The following VCL variants were observed in gnomAD, a reference collection of about 807,000 sequenced individuals.
The protein encoded by VCL is vinculin.
VCL carries 47 observed loss-of-function variants against 125.7 expected under a neutral mutation model. The ratio of observed to expected loss-of-function variants is 0.37; its 90% CI spans 0.30 to 0.48. The LOEUF is 0.48. VCL is among the 20% of genes least tolerant of loss of function. The pLI is 0.99. For missense variants in VCL, 1,069 were observed against 1,455.5 expected, an observed-to-expected ratio of 0.73 and a Z score of 4.32; for synonymous variants, 458 against 514.6, an observed-to-expected ratio of 0.89 and a Z score of 1.49.
intron 1 of VCL, among the ~76,000 whole-genome samples, chr10:74,035,511 C>T (rs1840957687): frequency 6.6e-6 from 1 of 152,148 alleles, no homozygotes; most frequent in Non-Finnish European, 1.5e-5. Context: ...CATTCACTAC[C>T]ATTATTTCAG....
At chr10:74,075,781 G>A (rs139341975) in intron 6 of VCL, 36 of 152,738 alleles carry the variant, frequency 2.4e-4, no homozygotes, top group African/African-American at 7.9e-4. Flanking sequence ...TCAGTAGAAC[G>A]GTATGTTCTC....
intron 1 of VCL, among the ~76,000 whole-genome samples, chr10:74,028,799 C>G (rs1369878929): frequency 6.6e-6 from 1 of 152,180 alleles, no homozygotes; most frequent in Non-Finnish European, 1.5e-5. Context: ...TTTCCTGTCA[C>G]TAGTCAGGAC....
chr10:74,043,755 T>A (rs1027333962), intron 2 of VCL, among the ~76,000 whole-genome samples: 1 of 152,178 alleles, frequency 6.6e-6, no homozygotes, highest in Non-Finnish European at 1.5e-5. Flanking sequence ...GAATCTACAT[T>A]GTATACTAGG....
Position 74,075,117 on chromosome 10 carries a change from G to A in VCL, c.783+214G>A, listed in dbSNP as rs1839560732. 5.0e-6 allele frequency: 3 copies of A among 600,292 alleles called. No homozygotes were observed. In the East Asian group the frequency reaches 9.2e-5, roughly 18 times the overall value. The allele number at this position is 600,292 out of a possible 1,614,324, so 37.2% of individuals were successfully genotyped here. The stretch of plus-strand genomic sequence containing the variant: ...TAAGGTAGAACAAGTAAATAGGCAT[G>A]TGGGGTAGATACTGGTTTAAGGCTG... On this transcript the variant is annotated intron_variant, in intron 6 of 21. Transcript: ENST00000211998.
At chr10:74,021,547 A>G (rs1840667312) in intron 1 of VCL, among the ~76,000 whole-genome samples, 1 of 152,230 alleles carries the variant, frequency 6.6e-6, no homozygotes, top group South Asian at 2.1e-4. Context: ...CCATAAATAA[A>G]TAAACCATCT....
At chr10:74,033,137 A>ATC (rs1840913171) in intron 1 of VCL, among the ~76,000 whole-genome samples, 1 of 152,360 alleles carries the variant, frequency 6.6e-6, no homozygotes, top group African/African-American at 2.4e-5. Context: ...TCAGGTGCCC[A>ATC]TCAACTGATG....
chr10:73,998,419 C>A, intron 1 of VCL, 44 bp downstream of exon 1: 3 of 1,341,560 alleles, frequency 2.2e-6, no homozygotes, highest in Non-Finnish European at 2.9e-6. Flanking sequence ...CGGGAGGTAT[C>A]CCCGGGGCCC....
At chr10:74,045,941 TGTTCCTTTATTTTTATCCTCC>T (rs1841191027) in intron 2 of VCL, among the ~76,000 whole-genome samples, 1 of 152,188 alleles carries the variant, frequency 6.6e-6, no homozygotes, top group Non-Finnish European at 1.5e-5. Context: ...AAGCTAAAAG[TGTTCCTTTATTTTTATCCTCC>T]TTATGTTCTA....
chr10:74,015,333 G>A (rs571012837), intron 1 of VCL, among the ~76,000 whole-genome samples: 1 of 152,270 alleles, frequency 6.6e-6, no homozygotes, highest in African/African-American at 2.4e-5. Context: ...CGGGTGGATC[G>A]CTTGAGGTCA....
At chr10:73,999,449 A>G (rs558194996) in intron 1 of VCL, among the ~76,000 whole-genome samples, 5 of 152,254 alleles carry the variant, frequency 3.3e-5, no homozygotes, top group Non-Finnish European at 7.4e-5. Flanking sequence ...CCCCTGGCTA[A>G]TGTCACACTT....
intron 2 of VCL, among the ~76,000 whole-genome samples, chr10:74,044,876 T>C (rs1841166272): frequency 6.6e-6 from 1 of 152,150 alleles, no homozygotes; most frequent in Non-Finnish European, 1.5e-5. Flanking sequence ...TGAGTTTCAT[T>C]TCAATTGAAA....
intron 11 of VCL, 132 bp downstream of exon 11, chr10:74,094,593 T>C (rs1414489053): frequency 6.1e-6 from 7 of 1,150,952 alleles, no homozygotes; most frequent in African/African-American, 1.5e-5. Flanking sequence ...TGTGATTCCA[T>C]TTCCAAATGC....
chr10:74,107,485 A>C, intron 17 of VCL, 131 bp downstream of exon 17: 1 of 1,455,106 alleles, frequency 6.9e-7, no homozygotes, highest in Non-Finnish European at 9.4e-7. Flanking sequence ...GCTTAGTGGG[A>C]GGCAGATCTC....
At chr10:74,087,471 G>A (rs1254768650) in intron 8 of VCL, among the ~76,000 whole-genome samples, 3 of 147,178 alleles carry the variant, frequency 2.0e-5, no homozygotes, top group Admixed American at 6.7e-5. Flanking sequence ...TCAGCCTACC[G>A]AGTAGCTGGG....
At chr10:74,087,102 A>T (rs1839791233) in intron 8 of VCL, among the ~76,000 whole-genome samples, 1 of 152,094 alleles carries the variant, frequency 6.6e-6, no homozygotes, top group Non-Finnish European at 1.5e-5. Flanking sequence ...AAGATCTCTC[A>T]TCATGAAGTA....
At chr10:74,038,387 TAA>T (rs778722597) in intron 1 of VCL, among the ~76,000 whole-genome samples, 8 of 152,192 alleles carry the variant, frequency 5.3e-5, no homozygotes, top group African/African-American at 1.2e-4. Flanking sequence ...ATTTCCATCA[TAA>T]AAGAAAATTA....
chr10:74,083,762 G>A (rs1839719220), intron 8 of VCL, among the ~76,000 whole-genome samples: 1 of 152,148 alleles, frequency 6.6e-6, no homozygotes, highest in Admixed American at 6.5e-5. Context: ...TGCGATCTTG[G>A]CTCACTGCAA....
chr10:74,008,642 T>G (rs1387019000), intron 1 of VCL, among the ~76,000 whole-genome samples: 1 of 152,240 alleles, frequency 6.6e-6, no homozygotes, highest in Non-Finnish European at 1.5e-5. Flanking sequence ...GCTGCTTTTT[T>G]GCTTTCTGGC....
At position 74,072,791 on chromosome 10, in the gene VCL, C is replaced by T; in HGVS notation, c.561C>T (p.His187=). ...AGCAGGAGCTCACTCACCAGGAGCA[C>T]CGAGTGATGTTGGTGAACTCGATGA... ...ERQQELTHQE[H]RVMLVNSMNT... The change falls in exon 5 of 22, where the codon CAC becomes CAT. Residue 187 remains histidine (H), a synonymous_variant. Transcript: ENST00000211998. 1 of 1,614,030 alleles carries T rather than the reference C, an allele frequency of 6.2e-7. No homozygotes were observed.
Sources: gnomAD v4.1 joint callset for allele counts (sites outside exome capture counted in the v4.1 genomes callset) on GRCh38, gnomAD v4.1.1 for gene constraint, MANE v1.5 for transcripts, NCBI Gene and HGNC (gene_info 2026-07-23, HGNC 2026-07-21) for gene names.